NRG1: variants seen among roughly 807,000 people sequenced by gnomAD.
NRG1 encodes the protein neuregulin 1.
In NRG1, 18 loss-of-function variants were observed where a neutral mutation model predicts 63.8. That is an observed-to-expected ratio of 0.28 (90% confidence interval 0.19 to 0.42). The LOEUF (loss-of-function observed/expected upper bound fraction) is 0.42, where lower values mean the gene tolerates loss of function less well. Among genes scored for constraint, NRG1 ranks in the 10% least tolerant of loss-of-function variants. The pLI, the probability that NRG1 is intolerant of heterozygous loss-of-function variation, is 1.00. For missense variants in NRG1, 762 were observed against 814.7 expected, an observed-to-expected ratio of 0.94 and a Z score of 0.79; for synonymous variants, 302 against 301.3, an observed-to-expected ratio of 1.00 and a Z score of -0.02.
intron 1 of NRG1, among the ~76,000 whole-genome samples, chr8:32,344,372 T>TTTTCTTTCTTTCTTTCTTCC (rs1554513682): frequency 0.023 from 1,357 of 58,684 alleles, 53 homozygotes; most frequent in Non-Finnish European, 0.036. Context: ...CTTTCTTTCT[T>TTTTCTTTCTTTCTTTCTTCC]TCTTTCTTTC....
At chr8:31,871,761 A>T (rs756720880) in intron 1 of NRG1, among the ~76,000 whole-genome samples, 7 of 152,190 alleles carry the variant, frequency 4.6e-5, no homozygotes, top group Non-Finnish European at 8.8e-5. Flanking sequence ...CTTTTAAAAA[A>T]TACCTAAAAA....
intron 1 of NRG1, among the ~76,000 whole-genome samples, chr8:32,340,770 G>A (rs998229931): frequency 6.6e-6 from 1 of 152,132 alleles, no homozygotes; most frequent in Admixed American, 6.6e-5. Context: ...CCTTAAGCCC[G>A]ATATCCTGTA....
At chr8:32,024,261 A>C (rs942683673) in intron 1 of NRG1, among the ~76,000 whole-genome samples, 3 of 152,194 alleles carry the variant, frequency 2.0e-5, no homozygotes, top group Non-Finnish European at 2.9e-5. Flanking sequence ...TAAGAGCATC[A>C]CTGCTGTATT....
intron 1 of NRG1, among the ~76,000 whole-genome samples, chr8:32,399,090 C>CA (rs924505109): frequency 6.6e-6 from 1 of 151,710 alleles, no homozygotes; most frequent in African/African-American, 2.4e-5. Context: ...AAGTTCAAGC[C>CA]AAAAAAACTG....
At chr8:32,111,964 G>T (rs1250130417) in intron 1 of NRG1, among the ~76,000 whole-genome samples, 2 of 152,122 alleles carry the variant, frequency 1.3e-5, no homozygotes, top group South Asian at 2.1e-4. Flanking sequence ...TGCTCAGATT[G>T]CCAGAAATCA....
At chr8:32,559,083 GAAAA>G (rs35947086) in intron 1 of NRG1, among the ~76,000 whole-genome samples, 44 of 86,780 alleles carry the variant, frequency 5.1e-4, no homozygotes, top group Admixed American at 2.3e-3. Context: ...TTGTCTCAGC[GAAAA>G]AAAAAAAAAA....
chr8:31,824,353 CTCA>C (rs887125597), intron 1 of NRG1, among the ~76,000 whole-genome samples: 2 of 152,122 alleles, frequency 1.3e-5, no homozygotes, highest in Non-Finnish European at 2.9e-5. Flanking sequence ...AGGACATGAA[CTCA>C]TCATTTTTTA....
At chr8:31,899,421 A>G (rs1001107174) in intron 1 of NRG1, among the ~76,000 whole-genome samples, 5 of 151,972 alleles carry the variant, frequency 3.3e-5, no homozygotes, top group Non-Finnish European at 7.4e-5. Context: ...TTATATTTTT[A>G]AGCATTTTGA....
intron 5 of NRG1, among the ~76,000 whole-genome samples, chr8:32,634,956 A>C (rs1851048737): frequency 6.6e-6 from 1 of 152,224 alleles, no homozygotes; most frequent in African/African-American, 2.4e-5. Context: ...TCTGTAAAAT[A>C]AGAACAATAT....
chr8:32,491,404 C>T (rs1826540567), intron 1 of NRG1, among the ~76,000 whole-genome samples: 2 of 152,030 alleles, frequency 1.3e-5, no homozygotes, highest in African/African-American at 2.4e-5. Flanking sequence ...CCAGTCAATC[C>T]TATTGTGTAG....
At chr8:32,517,114 G>A (rs1829899530) in intron 1 of NRG1, among the ~76,000 whole-genome samples, 1 of 152,078 alleles carries the variant, frequency 6.6e-6, no homozygotes, top group Admixed American at 6.6e-5. Flanking sequence ...GCACCTATTT[G>A]GGGCTTATTT....
intron 1 of NRG1, among the ~76,000 whole-genome samples, chr8:31,894,786 G>A (rs576498760): frequency 6.6e-6 from 1 of 151,970 alleles, no homozygotes. Flanking sequence ...TCCTGACCTC[G>A]TGATCCGCCT....
chr8:32,724,290 G>C (rs957504408), intron 5 of NRG1, among the ~76,000 whole-genome samples: 1 of 152,200 alleles, frequency 6.6e-6, no homozygotes, highest in Non-Finnish European at 1.5e-5. Context: ...ACAAGGTTTA[G>C]TGAGATCCAG....
chr8:31,921,647 G>T (rs548712189), intron 1 of NRG1, among the ~76,000 whole-genome samples: 11 of 152,262 alleles, frequency 7.2e-5, no homozygotes, highest in Middle Eastern at 3.4e-3. Flanking sequence ...CAAAGAAAAA[G>T]AACCTCTCTG....
At chr8:32,170,271 G>C (rs1271638819) in intron 1 of NRG1, among the ~76,000 whole-genome samples, 1 of 152,192 alleles carries the variant, frequency 6.6e-6, no homozygotes, top group Non-Finnish European at 1.5e-5. Context: ...GAAGAAAAGG[G>C]AGAAACAGGT....
chr8:32,287,960 A>G (rs1487766199), intron 1 of NRG1, among the ~76,000 whole-genome samples: 1 of 152,182 alleles, frequency 6.6e-6, no homozygotes. Flanking sequence ...CACTATATAT[A>G]TAGCATTGTA....
In NRG1 at chr8:32,385,075, G is replaced by A. The variant is rs113273830; in HGVS notation, c.38-210753G>A. On this transcript the variant is annotated intron_variant, in intron 1 of 10. Coordinates refer to the NRG1 transcript ENST00000519301. ...CGCTCTGTCACCCAGGCTGGAGTGCGGTGGCAAGATCTCTGCTCACTGCAA... is the reference window on the plus strand; with the variant it reads ...CGCTCTGTCACCCAGGCTGGAGTGCAGTGGCAAGATCTCTGCTCACTGCAA... Among the ~76,000 whole-genome samples, 387 of 152,158 alleles carry A rather than the reference G, an allele frequency of 2.5e-3. 3 individuals carry two copies. The highest frequency in any genetic ancestry group is 9.0e-3 in the African/African-American group (374 of 41,538).
intron 1 of NRG1, among the ~76,000 whole-genome samples, chr8:31,953,406 G>T (rs1168852860): frequency 6.6e-6 from 1 of 152,192 alleles, no homozygotes; most frequent in African/African-American, 2.4e-5. Flanking sequence ...TATGTTTGGG[G>T]AGAATGATAA....
chr8:32,320,923 C>T (rs1361466362), intron 1 of NRG1, among the ~76,000 whole-genome samples: 3 of 152,108 alleles, frequency 2.0e-5, no homozygotes, highest in Admixed American at 6.5e-5. Flanking sequence ...TGATATATTG[C>T]TACAGCAATT....
Sources: allele counts gnomAD v4.1 joint callset (sites outside exome capture counted in the v4.1 genomes callset), GRCh38; gene constraint gnomAD v4.1.1; transcripts MANE v1.5; gene names NCBI Gene and HGNC (gene_info 2026-07-23, HGNC 2026-07-21).